SEC24B: variants seen among roughly 807,000 people sequenced by gnomAD.
SEC24B encodes the protein protein transport protein Sec24B.
Under a neutral mutation model 142.8 loss-of-function variants are expected in SEC24B, and 45 were observed. That is an observed-to-expected ratio of 0.32 (90% CI 0.25 to 0.40). The LOEUF (loss-of-function observed/expected upper bound fraction) is 0.40, where lower values mean the gene tolerates loss of function less well. SEC24B is among the 10% of genes least tolerant of loss of function. The pLI is 1.00. For missense variants in SEC24B, 1,409 were observed against 1,526.8 expected, an observed-to-expected ratio of 0.92 and a Z score of 1.29; for synonymous variants, 574 against 568.2, an observed-to-expected ratio of 1.01 and a Z score of -0.15.
chr4:109,480,508 A>C (rs1733629034), intron 3 of SEC24B, among the ~76,000 whole-genome samples: 1 of 151,702 alleles, frequency 6.6e-6, no homozygotes. Flanking sequence ...TCTGAGATGG[A>C]GTCTTGCTCT....
Position 109,539,005 on chromosome 4 carries a change from G to A in SEC24B, c.3692+409G>A, listed in dbSNP as rs575600453. On this transcript the variant is annotated intron_variant, in intron 23 of 23. Transcript: ENST00000265175. ...AGACAAAGTTTCGCTCTTGTCACCCGGGCTGGAGTGCGATGGTGCGATCTC... is the reference window on the plus strand; with the variant it reads ...AGACAAAGTTTCGCTCTTGTCACCCAGGCTGGAGTGCGATGGTGCGATCTC... Among the ~76,000 whole-genome samples, 20 of 151,210 alleles carry A rather than the reference G, an allele frequency of 1.3e-4. No homozygotes were observed. In the South Asian group the frequency reaches 2.5e-3, roughly 19 times the overall value.
At chr4:109,532,060 T>C (rs1387171539) in intron 20 of SEC24B, among the ~76,000 whole-genome samples, 3 of 152,174 alleles carry the variant, frequency 2.0e-5, no homozygotes, top group Middle Eastern at 6.8e-3. Context: ...TTTCACCATA[T>C]TGGCCAGGCT....
intron 6 of SEC24B, among the ~76,000 whole-genome samples, chr4:109,501,015 A>G (rs972059555): frequency 2.6e-5 from 4 of 152,166 alleles, no homozygotes; most frequent in African/African-American, 7.2e-5. Flanking sequence ...TATAAAGCCT[A>G]CAGTACAGTA....
chr4:109,520,516 A>C, intron 12 of SEC24B, 32 bp downstream of exon 12: 1 of 1,309,934 alleles, frequency 7.6e-7, no homozygotes, highest in Non-Finnish European at 1.1e-6. Context: ...AGCCTTTCTA[A>C]CTACGGACTT....
chr4:109,481,788 T>C lies in SEC24B; in HGVS notation c.1165+7T>C, dbSNP rs1733769125. 2.5e-6 allele frequency: 4 copies of C among 1,606,250 alleles called. No homozygotes were observed. Among genetic ancestry groups the C allele is most frequent in the Non-Finnish European group, 3.4e-6 (4 of 1,173,228 alleles). On this transcript the variant is annotated splice_region_variant and intron_variant, in intron 4 of 23. Coordinates refer to ENST00000265175, the MANE Select transcript of SEC24B (RefSeq NM_006323.5). ...GAGGAGGATGAGGAAGCAGGTCTGC[T>C]TTAGCTTTACACCAGTTCTTGATCT...
intron 19 of SEC24B, 89 bp from the exon 20 acceptor site, chr4:109,531,296 T>G: frequency 8.9e-7 from 1 of 1,127,146 alleles, no homozygotes; most frequent in African/African-American, 1.6e-5. Context: ...AAGGCCATGC[T>G]TTTTCCATGA....
At chr4:109,437,770 G>A (rs549164045) in intron 1 of SEC24B, among the ~76,000 whole-genome samples, 85 of 152,082 alleles carry the variant, frequency 5.6e-4, no homozygotes, top group African/African-American at 1.8e-3. Flanking sequence ...GCCTACAGGC[G>A]CACACCACCA....
At chr4:109,499,481 A>C (rs887503585) in intron 6 of SEC24B, among the ~76,000 whole-genome samples, 10 of 152,186 alleles carry the variant, frequency 6.6e-5, no homozygotes, top group Non-Finnish European at 5.9e-5. Flanking sequence ...CAAAAGAAAA[A>C]AAAAATCCTT....
chr4:109,440,403 A>G (rs1470465217), intron 1 of SEC24B, among the ~76,000 whole-genome samples: 1 of 152,206 alleles, frequency 6.6e-6, no homozygotes, highest in Non-Finnish European at 1.5e-5. Context: ...TTTCTTTCCT[A>G]GAAATGAGGC....
intron 21 of SEC24B, among the ~76,000 whole-genome samples, chr4:109,533,262 G>A (rs1025557900): frequency 1.3e-5 from 2 of 152,100 alleles, no homozygotes; most frequent in African/African-American, 4.8e-5. Context: ...CCACAGAAGA[G>A]GGAGAAATGC....
Position 109,527,310 on chromosome 4 carries a change from CTTTT to C in SEC24B, c.2966-6_2966-3del. ...TTTTGATCTAATGTATTTTCAATGA[CTTTT>C]TTTTTAGGTGAGCGGAGAATTAGAG... On this transcript the variant is annotated splice_polypyrimidine_tract_variant and splice_region_variant and intron_variant, in intron 17 of 23. Coordinates refer to ENST00000265175, the MANE Select transcript of SEC24B (RefSeq NM_006323.5). 5.3e-6 allele frequency: 8 copies of C among 1,513,570 alleles called. No homozygotes were observed. The highest frequency in any genetic ancestry group is 7.2e-6 in the Non-Finnish European group (8 of 1,108,094). 93.8% of individuals were successfully genotyped at this position (1,513,570 alleles called of 1,614,324 possible).
intron 5 of SEC24B, among the ~76,000 whole-genome samples, chr4:109,494,142 A>G (rs1016991166): frequency 3.3e-5 from 5 of 152,102 alleles, no homozygotes; most frequent in African/African-American, 1.2e-4. Context: ...GTTTGTGTGT[A>G]TTATATAAAT....
intron 14 of SEC24B, 79 bp downstream of exon 14, chr4:109,521,705 TG>T: frequency 9.2e-7 from 1 of 1,092,842 alleles, no homozygotes. Flanking sequence ...AATAAAATAC[TG>T]GCAAGAGAGT....
At chr4:109,481,848 C>T (rs1733775545) in intron 4 of SEC24B, 67 bp downstream of exon 4, 4 of 1,114,844 alleles carry the variant, frequency 3.6e-6, no homozygotes, top group South Asian at 1.5e-5. Context: ...TTTCCACAGT[C>T]TTACTTAGCC....
At chr4:109,517,025 T>C (rs1441646135) in intron 11 of SEC24B, among the ~76,000 whole-genome samples, 4 of 152,154 alleles carry the variant, frequency 2.6e-5, no homozygotes, top group Admixed American at 6.6e-5. Flanking sequence ...CTTTGGGGAA[T>C]GTAAATTAGT....
chr4:109,458,363 A>T (rs1403813697), intron 1 of SEC24B, among the ~76,000 whole-genome samples: 1 of 152,102 alleles, frequency 6.6e-6, no homozygotes. Flanking sequence ...GTCTCTGCCA[A>T]ATTTGGCTTC....
At chr4:109,456,440 G>T (rs1191747991) in intron 1 of SEC24B, among the ~76,000 whole-genome samples, 1 of 148,334 alleles carries the variant, frequency 6.7e-6, no homozygotes, top group Non-Finnish European at 1.5e-5. Flanking sequence ...GAATAGGAAT[G>T]ATGAGAGAGG....
chr4:109,518,204 G>A (rs540253324), intron 11 of SEC24B, among the ~76,000 whole-genome samples: 10 of 152,226 alleles, frequency 6.6e-5, no homozygotes, highest in South Asian at 4.1e-4. Flanking sequence ...TATAGGATAC[G>A]TGGCTTATAC....
intron 1 of SEC24B, among the ~76,000 whole-genome samples, chr4:109,445,242 G>C (rs1022916474): frequency 6.2e-5 from 7 of 112,766 alleles, no homozygotes; most frequent in South Asian, 2.9e-4. Context: ...TTCTTTCTTT[G>C]TTTTTTTTTT....
Sources: gnomAD v4.1 joint callset for allele counts (sites outside exome capture counted in the v4.1 genomes callset) on GRCh38, gnomAD v4.1.1 for gene constraint, MANE v1.5 for transcripts, NCBI Gene and HGNC (gene_info 2026-07-23, HGNC 2026-07-21) for gene names.